ST6GALNAC5: variants seen among roughly 807,000 people sequenced by gnomAD.
ST6GALNAC5 encodes the protein alpha-N-acetylgalactosaminide alpha-2,6-sialyltransferase 5.
Under a neutral mutation model 33.6 loss-of-function variants are expected in ST6GALNAC5, and 27 were observed. That is an observed-to-expected ratio of 0.80 (90% CI 0.59 to 1.11). ST6GALNAC5 has a LOEUF of 1.11. Among genes scored for constraint, ST6GALNAC5 ranks in the 50% least tolerant of loss-of-function variants. The pLI, the probability that ST6GALNAC5 is intolerant of heterozygous loss-of-function variation, is 0.00. For missense variants in ST6GALNAC5, 428 were observed against 454.0 expected (o/e 0.94, Z 0.52); for synonymous variants, 194 against 171.2 (o/e 1.13, Z -1.04).
chr1:76,933,669 T>C (rs1647166843), intron 2 of ST6GALNAC5, among the ~76,000 whole-genome samples: 2 of 147,424 alleles, frequency 1.4e-5, no homozygotes, highest in Admixed American at 1.4e-4. Context: ...TGACTCTAAG[T>C]CAGGAGAAAT....
chr1:76,980,693 C>G (rs1649213889), intron 2 of ST6GALNAC5, among the ~76,000 whole-genome samples: 1 of 152,096 alleles, frequency 6.6e-6, no homozygotes, highest in African/African-American at 2.4e-5. Flanking sequence ...ATGGAACCAC[C>G]TTTCCACTCC....
At chr1:76,960,486 A>C (rs10443170) in intron 2 of ST6GALNAC5, among the ~76,000 whole-genome samples, 6,001 of 152,286 alleles carry the variant, frequency 0.039, 175 homozygotes, top group Non-Finnish European at 0.057. Flanking sequence ...ATTGTCATTG[A>C]TAACATCTTA....
intron 2 of ST6GALNAC5, among the ~76,000 whole-genome samples, chr1:76,878,764 C>T (rs920405037): frequency 6.6e-6 from 1 of 152,056 alleles, no homozygotes; most frequent in Admixed American, 6.5e-5. Context: ...CATTTGACTT[C>T]GAAGTTTTCT....
intron 2 of ST6GALNAC5, among the ~76,000 whole-genome samples, chr1:76,916,335 C>T (rs1168294712): frequency 6.6e-6 from 1 of 152,070 alleles, no homozygotes; most frequent in Non-Finnish European, 1.5e-5. Flanking sequence ...CATGCATTTA[C>T]AAAGAAATTC....
intron 2 of ST6GALNAC5, among the ~76,000 whole-genome samples, chr1:76,973,224 C>T (rs188842044): frequency 6.6e-6 from 1 of 151,370 alleles, no homozygotes; most frequent in Non-Finnish European, 1.5e-5. Flanking sequence ...ACAAACAGAA[C>T]CAATAAGATA....
chr1:77,056,720 A>T (rs948978635), intron 4 of ST6GALNAC5, among the ~76,000 whole-genome samples: 1 of 152,120 alleles, frequency 6.6e-6, no homozygotes, highest in Non-Finnish European at 1.5e-5. Flanking sequence ...TATGAAGTAG[A>T]CTTAAAATAT....
chr1:76,919,971 A>T (rs1408308742), intron 2 of ST6GALNAC5, among the ~76,000 whole-genome samples: 1 of 152,176 alleles, frequency 6.6e-6, no homozygotes, highest in African/African-American at 2.4e-5. Flanking sequence ...ATACGGCATT[A>T]AAAAAGGTAA....
intron 2 of ST6GALNAC5, among the ~76,000 whole-genome samples, chr1:76,879,108 C>T (rs914346439): frequency 6.6e-6 from 1 of 152,130 alleles, no homozygotes; most frequent in African/African-American, 2.4e-5. Context: ...ATCTATTTCA[C>T]AAGGCATTGA....
chr1:76,867,816 C>A, intron 1 of ST6GALNAC5, 126 bp downstream of exon 1: 1 of 1,342,340 alleles, frequency 7.4e-7, no homozygotes, highest in Non-Finnish European at 1.1e-6. Flanking sequence ...TACAAAGGGA[C>A]AACTTTCTAC....
intron 2 of ST6GALNAC5, among the ~76,000 whole-genome samples, chr1:76,981,913 G>A (rs1260378386): frequency 6.6e-6 from 1 of 152,020 alleles, no homozygotes; most frequent in African/African-American, 2.4e-5. Context: ...ACCTGCAGCT[G>A]AGAGACCTGA....
rs1475499272 is a variant in ST6GALNAC5 at position 77,063,867 on chromosome 1, C to T, written c.*661C>T. 6.6e-6 allele frequency: 1 copy of T among 152,642 alleles called. No individual in the cohort carries two copies. The highest frequency in any genetic ancestry group is 2.4e-5 in the African/African-American group (1 of 41,436). The allele number at this position is 152,642 out of a possible 1,614,324, so 9.5% of individuals were successfully genotyped here. On this transcript the variant is annotated 3_prime_UTR_variant, in exon 5 of 5. Coordinates refer to ENST00000477717, the MANE Select transcript of ST6GALNAC5 (RefSeq NM_030965.3). ...GAATTAGGTTACTCTGTTCACAATG[C>T]TCATTGTTAGCATGCAATTGGTATT...
At chr1:76,970,323 A>C (rs1165362323) in intron 2 of ST6GALNAC5, among the ~76,000 whole-genome samples, 1 of 151,910 alleles carries the variant, frequency 6.6e-6, no homozygotes, top group Admixed American at 6.6e-5. Context: ...GATTAGATGA[A>C]TGGCTAACTC....
chr1:77,052,055 C>T (rs2100471674), intron 4 of ST6GALNAC5, among the ~76,000 whole-genome samples: 1 of 152,306 alleles, frequency 6.6e-6, no homozygotes, highest in Middle Eastern at 3.4e-3. Flanking sequence ...AAAATACTAA[C>T]AAAGAAATTA....
chr1:76,888,754 A>T (rs1653951655), intron 2 of ST6GALNAC5, among the ~76,000 whole-genome samples: 2 of 152,090 alleles, frequency 1.3e-5, no homozygotes, highest in Non-Finnish European at 2.9e-5. Context: ...CATGTATATT[A>T]CCAAAGTCCT....
rs952003223 is a variant in ST6GALNAC5, at chr1:76,868,267, C to G, written c.16-230C>G. Among the ~76,000 whole-genome samples the G allele has an allele frequency of 2.6e-5, 4 of 152,096 alleles. No homozygotes were observed. Among genetic ancestry groups the G allele is most frequent in the Admixed American group, 6.5e-5 (1 of 15,288 alleles). ...GGGCCGTACACCACCTGCCCTCTAC[C>G]GAGAGATCTGGGCGGCGGCGGCCGA... is the stretch of plus-strand genomic sequence containing the variant. On this transcript the variant is annotated intron_variant, in intron 1 of 4. Transcript: ENST00000477717. The surrounding 1 kb of genome is among the most constrained non-coding windows in gnomAD (Gnocchi z 4.3).
intron 2 of ST6GALNAC5, among the ~76,000 whole-genome samples, chr1:76,872,140 T>C (rs1023913108): frequency 3.5e-5 from 5 of 144,886 alleles, no homozygotes; most frequent in Non-Finnish European, 7.6e-5. Context: ...AATCAAGAAA[T>C]ACTCAGAGGA....
rs187370361 is a variant in ST6GALNAC5, at chr1:76,922,016, G to A, written c.261+53274G>A. On this transcript the variant is annotated intron_variant, in intron 2 of 4. Coordinates refer to ENST00000477717, the MANE Select transcript of ST6GALNAC5 (RefSeq NM_030965.3). ...TGGAAGTTCCAACCACTGAAATAAG[G>A]TAAGAAAAAGAATATAAAAAGCATA... Among the ~76,000 whole-genome samples the A allele has an allele frequency of 2.7e-4, 41 of 152,128 alleles. 1 individual carries two copies. The highest frequency in any genetic ancestry group is 1.2e-4 in the Non-Finnish European group (8 of 67,978).
chr1:76,896,534 C>A (rs981647408), intron 2 of ST6GALNAC5, among the ~76,000 whole-genome samples: 1 of 151,994 alleles, frequency 6.6e-6, no homozygotes, highest in Non-Finnish European at 1.5e-5. Flanking sequence ...GTGGAACTGC[C>A]ATCAATAAAT....
At chr1:76,965,200 TG>T (rs1448496290) in intron 2 of ST6GALNAC5, among the ~76,000 whole-genome samples, 2 of 128,106 alleles carry the variant, frequency 1.6e-5, no homozygotes, top group African/African-American at 6.5e-5. Flanking sequence ...TCCGCAATGG[TG>T]GAATTAGTTT....
Sources: allele counts gnomAD v4.1 joint callset (sites outside exome capture counted in the v4.1 genomes callset), GRCh38; gene constraint gnomAD v4.1.1; non-coding constraint Gnocchi (gnomAD v3.1); transcripts MANE v1.5; gene names NCBI Gene and HGNC (gene_info 2026-07-23, HGNC 2026-07-21).